The following TMPRSS3 variants were observed in gnomAD, a reference collection of about 807,000 sequenced individuals.
TMPRSS3 encodes transmembrane serine protease 3.
In TMPRSS3, 55 loss-of-function variants were observed where a neutral mutation model predicts 59.6. The observed-to-expected ratio is 0.92, with a 90% CI of 0.74 to 1.16. The LOEUF (loss-of-function observed/expected upper bound fraction) is 1.16, where lower values mean the gene tolerates loss of function less well. TMPRSS3 is among the 50% of genes most tolerant of loss of function. TMPRSS3 has a pLI of 0.00. For missense variants in TMPRSS3, 596 were observed against 579.4 expected (o/e 1.03, Z -0.29); for synonymous variants, 257 against 237.7 (o/e 1.08, Z -0.75).
chr21:42,381,036 G>A (rs1005644631), intron 9 of TMPRSS3, among the ~76,000 whole-genome samples: 2 of 152,224 alleles, frequency 1.3e-5, no homozygotes, highest in Non-Finnish European at 2.9e-5. Context: ...GTGTCCATGT[G>A]ATGGATGCAG....
chr21:42,378,057 A>T (rs2052460331), intron 10 of TMPRSS3, among the ~76,000 whole-genome samples: 2 of 152,204 alleles, frequency 1.3e-5, no homozygotes, highest in Admixed American at 6.5e-5. Context: ...GGGAGCGTAG[A>T]TTGGTGTCCC....
intron 5 of TMPRSS3, 91 bp from the exon 6 acceptor site, chr21:42,385,625 G>A (rs753977693): frequency 1.3e-6 from 2 of 1,510,608 alleles, no homozygotes. Flanking sequence ...TACAGGGATT[G>A]TACATGGGGG....
intron 12 of TMPRSS3, among the ~76,000 whole-genome samples, chr21:42,374,636 A>T (rs1601513179): frequency 6.6e-6 from 1 of 152,026 alleles, no homozygotes; most frequent in East Asian, 1.9e-4. Flanking sequence ...CTTTTGGGAG[A>T]TGAGAATGCT....
chr21:42,377,896 C>A (rs926779949), intron 10 of TMPRSS3, among the ~76,000 whole-genome samples: 3 of 152,246 alleles, frequency 2.0e-5, no homozygotes, highest in African/African-American at 4.8e-5. Flanking sequence ...CTGGACAGAG[C>A]AGATTGACAG....
chr21:42,394,518 T>G (rs115831136), intron 2 of TMPRSS3, among the ~76,000 whole-genome samples: 2,445 of 152,296 alleles, frequency 0.016, 68 homozygotes, highest in African/African-American at 0.056. Flanking sequence ...TTAGCTAATT[T>G]TGAGCCATAT....
chr21:42,385,631 G>T, intron 5 of TMPRSS3, 97 bp from the exon 6 acceptor site: 1 of 1,491,782 alleles, frequency 6.7e-7, no homozygotes. Flanking sequence ...GATTGTACAT[G>T]GGGGATGTCA....
At chr21:42,395,616 G>C in intron 1 of TMPRSS3, 148 bp from the exon 2 acceptor site, 1 of 471,764 alleles carries the variant, frequency 2.1e-6, no homozygotes, top group South Asian at 1.7e-5. Context: ...CATCTGGTGA[G>C]AATGCATTTT....
Position 42,383,494 on chromosome 21 carries a change from C to A in TMPRSS3, c.617-296G>T, listed in dbSNP as rs911777425. 4 of 549,302 alleles carry A rather than the reference C, an allele frequency of 7.3e-6. No homozygotes were observed. In the African/African-American group the frequency reaches 7.6e-5, roughly 10 times the overall value. 34.0% of individuals were successfully genotyped at this position (549,302 alleles called of 1,614,324 possible). ...CCCCATCCTATTCCCCCAGTGATGA[C>A]AACACCCTGGGATGTCAGGAGCAGG... On this transcript the variant is annotated intron_variant, in intron 7 of 12. Transcript: ENST00000644384.
In TMPRSS3 at chr21:42,376,567, G is replaced by A. The variant is rs371402895; in HGVS notation, c.1165C>T (p.Leu389=). Residue 389 remains leucine (L), a synonymous_variant, in exon 11 of 13, where the codon CTG becomes TTG. Coordinates refer to ENST00000644384, the MANE Select transcript of TMPRSS3 (RefSeq NM_001256317.3). The part of the protein sequence containing the change: ...ISPSMLCAGY[L]TGGVDSCQGD... ...TGGCAGCTGTCCACGCCACCCGTCAGGTAGCCCGCGCAGAGCATGGAGGGG... is the reference window on the plus strand; with the variant it reads ...TGGCAGCTGTCCACGCCACCCGTCAAGTAGCCCGCGCAGAGCATGGAGGGG... 2 of 1,613,564 alleles carry A rather than the reference G, an allele frequency of 1.2e-6. No homozygotes were observed. Among genetic ancestry groups the A allele is most frequent in the African/African-American group, 2.7e-5 (2 of 74,940 alleles).
chr21:42,392,400 G>A (rs1056553317), intron 2 of TMPRSS3, among the ~76,000 whole-genome samples: 4 of 152,190 alleles, frequency 2.6e-5, no homozygotes, highest in Admixed American at 6.5e-5. Flanking sequence ...GCTGCACTTC[G>A]CAGATGTGGA....
chr21:42,390,713 A>G (rs1405324590), intron 2 of TMPRSS3, among the ~76,000 whole-genome samples: 1 of 152,156 alleles, frequency 6.6e-6, no homozygotes, highest in Non-Finnish European at 1.5e-5. Flanking sequence ...GGGCAACAAG[A>G]GCAAAACTCC....
At position 42,384,001 on chromosome 21, in the gene TMPRSS3, G is replaced by C; in HGVS notation, c.585C>G (p.Ala195=). The C allele has an allele frequency of 6.2e-7, 1 of 1,614,068 alleles. No individual in the cohort carries two copies. Among genetic ancestry groups the C allele is most frequent in the Non-Finnish European group, 8.5e-7 (1 of 1,180,000 alleles). ...ACTGCAAGGTAACCACGTGGCCAGA[G>C]GCACATCCCTCCCTAAAGCGGAGAA... ...HHSVYVREGC[A]SGHVVTLQCT... Residue 195 remains alanine (A), a synonymous_variant, in exon 7 of 13, where the codon GCC becomes GCG. Transcript: ENST00000644384.
Position 42,388,998 on chromosome 21 carries a change from A to C in TMPRSS3, c.253T>G (p.Cys85Gly). Residue 85 changes from cysteine (C) to glycine (G), a missense_variant, in exon 4 of 13, where the codon TGT becomes GGT. By Grantham distance (159) the Cys-to-Gly change is radical. Coordinates refer to ENST00000644384, the MANE Select transcript of TMPRSS3 (RefSeq NM_001256317.3). The surrounding 1 kb of genome is among the most constrained non-coding windows in gnomAD (Gnocchi z 5.1). The part of the protein sequence containing the change: ...GKYRCRSSFK[C>G]IELIARCDGV... ...TCACATCGAGCTATCAGCTCGATAC[A>C]CTTAAAGGATGAGCGACATCTGTAC... 6.2e-7 allele frequency: 1 copy of C among 1,614,214 alleles called. No homozygotes were observed. The highest frequency in any genetic ancestry group is 8.5e-7 in the Non-Finnish European group (1 of 1,180,040).
chr21:42,379,555 G>A (rs1360659656), intron 10 of TMPRSS3, among the ~76,000 whole-genome samples: 3 of 152,156 alleles, frequency 2.0e-5, no homozygotes, highest in Non-Finnish European at 4.4e-5. Flanking sequence ...GAAAGTGATT[G>A]ATGGAAAAAC....
intron 9 of TMPRSS3, among the ~76,000 whole-genome samples, chr21:42,380,935 CTATAACCAATATCAT>C (rs1174088569): frequency 1.3e-5 from 2 of 152,224 alleles, no homozygotes; most frequent in Admixed American, 6.5e-5. Context: ...ACCTCATTTC[CTATAACCAATATCAT>C]TAATAATAGT....
chr21:42,375,192 GC>G (rs1424337568), intron 12 of TMPRSS3, among the ~76,000 whole-genome samples: 3 of 149,604 alleles, frequency 2.0e-5, no homozygotes, highest in East Asian at 4.0e-4. Flanking sequence ...CCCCCTGCAG[GC>G]CCCTCCCACT....
At chr21:42,394,267 A>C (rs2052770798) in intron 2 of TMPRSS3, among the ~76,000 whole-genome samples, 1 of 152,096 alleles carries the variant, frequency 6.6e-6, no homozygotes, top group African/African-American at 2.4e-5. Flanking sequence ...TATTAGGAAC[A>C]ACTATAGGTC....
intron 7 of TMPRSS3, chr21:42,383,705 T>TGATGGGACATCAGGGGGGACATCAGGGA (rs1568883906): frequency 4.4e-6 from 3 of 676,620 alleles, no homozygotes; most frequent in Non-Finnish European, 8.3e-6. Context: ...CTCAAGGCTC[T>TGATGGGACATCAGGGGGGACATCAGGGA]TCAGAGTGAT....
At chr21:42,390,631 G>A (rs1386855098) in intron 2 of TMPRSS3, among the ~76,000 whole-genome samples, 1 of 152,180 alleles carries the variant, frequency 6.6e-6, no homozygotes, top group Non-Finnish European at 1.5e-5. Flanking sequence ...AGGAGGCTGA[G>A]GCATGAGAAT....
Sources: allele counts gnomAD v4.1 joint callset (sites outside exome capture counted in the v4.1 genomes callset), GRCh38; gene constraint gnomAD v4.1.1; non-coding constraint Gnocchi (gnomAD v3.1); transcripts MANE v1.5; gene names NCBI Gene and HGNC (gene_info 2026-07-23, HGNC 2026-07-21).